The following KLHL2 variants were observed in gnomAD, a reference collection of about 807,000 sequenced individuals.
KLHL2 encodes kelch like family member 2, also known as kelch-like protein 2.
KLHL2 carries 15 observed loss-of-function variants against 75.8 expected under a neutral mutation model. That is an observed-to-expected ratio of 0.20 (90% CI 0.13 to 0.30). KLHL2 has a LOEUF of 0.30. Among genes scored for constraint, KLHL2 ranks in the 10% least tolerant of loss-of-function variants. The pLI is 1.00. For synonymous variants in KLHL2, 214 were observed against 251.9 expected, an observed-to-expected ratio of 0.85 and a Z score of 1.42; for missense variants, 381 against 741.0, an observed-to-expected ratio of 0.51 and a Z score of 5.64.
At chr4:165,306,610 A>G (rs1340498854) in intron 9 of KLHL2, among the ~76,000 whole-genome samples, 1 of 152,224 alleles carries the variant, frequency 6.6e-6, no homozygotes, top group East Asian at 1.9e-4. Flanking sequence ...TCCTGACAGT[A>G]CTTTGTAATT....
At chr4:165,312,190 C>T (rs561029988) in intron 11 of KLHL2, among the ~76,000 whole-genome samples, 21 of 152,222 alleles carry the variant, frequency 1.4e-4, no homozygotes, top group South Asian at 8.3e-4. Flanking sequence ...TTGTGCAGCC[C>T]GGTTCCTAAC....
intron 11 of KLHL2, among the ~76,000 whole-genome samples, chr4:165,312,840 A>G (rs1198004954): frequency 6.6e-6 from 1 of 152,206 alleles, no homozygotes. Flanking sequence ...AATGCCAAGT[A>G]ATATTGCATT....
At chr4:165,315,667 C>G (rs1746540962) in intron 13 of KLHL2, among the ~76,000 whole-genome samples, 1 of 152,028 alleles carries the variant, frequency 6.6e-6, no homozygotes, top group Non-Finnish European at 1.5e-5. Flanking sequence ...ACCCTCATTC[C>G]ATATTCCTGA....
chr4:165,311,781 C>T (rs1356782445), intron 11 of KLHL2, among the ~76,000 whole-genome samples: 1 of 151,512 alleles, frequency 6.6e-6, no homozygotes, highest in Non-Finnish European at 1.5e-5. Flanking sequence ...CTCTCTATCC[C>T]CCTCCCTTTA....
chr4:165,301,920 G>A (rs544465630), intron 8 of KLHL2, among the ~76,000 whole-genome samples: 3 of 152,118 alleles, frequency 2.0e-5, no homozygotes, highest in African/African-American at 4.8e-5. Flanking sequence ...GAAACCTAGA[G>A]TTCTCGGTAA....
At chr4:165,276,798 A>G (rs1305378289) in intron 5 of KLHL2, among the ~76,000 whole-genome samples, 1 of 152,144 alleles carries the variant, frequency 6.6e-6, no homozygotes, top group Non-Finnish European at 1.5e-5. Context: ...TTTTCTACTT[A>G]GGTATTTAAC....
chr4:165,211,765 G>C (rs1414269734), intron 1 of KLHL2, among the ~76,000 whole-genome samples: 1 of 152,194 alleles, frequency 6.6e-6, no homozygotes, highest in African/African-American at 2.4e-5. Context: ...TTGGGAACTT[G>C]AGAAGTGAAT....
chr4:165,278,578 A>G, intron 5 of KLHL2: 6 of 1,605,990 alleles, frequency 3.7e-6, no homozygotes, highest in Non-Finnish European at 5.1e-6. Flanking sequence ...AGTAGCAGCC[A>G]TAAGAAGTAC....
chr4:165,317,748 C>A, intron 13 of KLHL2, 78 bp from the exon 14 acceptor site: 2 of 1,052,064 alleles, frequency 1.9e-6, no homozygotes, highest in South Asian at 1.5e-5. Context: ...TCTGGATTAC[C>A]TCACTAAACA....
Position 165,228,932 on chromosome 4 carries a change from A to T in KLHL2, c.259+19A>T, listed in dbSNP as rs1363542422. 10 of 1,502,136 alleles carry T rather than the reference A, an allele frequency of 6.7e-6. No homozygotes were observed. In the South Asian group the frequency reaches 9.4e-5, roughly 14 times the overall value. The allele number at this position is 1,502,136 out of a possible 1,614,324, so 93.1% of individuals were successfully genotyped here. A position where few individuals can be genotyped will look rare whatever the true frequency, so the allele number is the denominator to read the frequency against. ...TTTACAGGTATGAAATATTTTAGTT[A>T]TAGGCATTTTAAAAAATGTATTCAG... On this transcript the variant is annotated intron_variant, in intron 3 of 14. Transcript: ENST00000226725.
At position 165,297,557 on chromosome 4, in the gene KLHL2, C is replaced by T; in HGVS notation, c.655-52C>T. On this transcript the variant is annotated intron_variant, in intron 6 of 14. Coordinates refer to ENST00000226725, the MANE Select transcript of KLHL2 (RefSeq NM_007246.4). ...TGTAGTCTCATATTTTATCCAGATG[C>T]CTTGATACACAACTCATTTCTTATT... The T allele has an allele frequency of 4.9e-6, 5 of 1,029,788 alleles. No homozygotes were observed. The South Asian group carries it at 6.3e-5, about 13-fold the overall frequency. 63.8% of individuals were successfully genotyped at this position (1,029,788 alleles called of 1,614,324 possible).
At chr4:165,212,152 A>G (rs1358516400) in intron 1 of KLHL2, among the ~76,000 whole-genome samples, 2 of 152,008 alleles carry the variant, frequency 1.3e-5, no homozygotes. Flanking sequence ...AGTGCCTACT[A>G]TGGCCAGATT....
At chr4:165,286,927 GTTTTTA>G (rs1228598410) in intron 5 of KLHL2, among the ~76,000 whole-genome samples, 4 of 152,060 alleles carry the variant, frequency 2.6e-5, no homozygotes, top group African/African-American at 4.8e-5. Context: ...TGCTTGCTTT[GTTTTTA>G]TTTTTGTTTT....
chr4:165,244,269 A>G (rs1740051772), intron 4 of KLHL2, among the ~76,000 whole-genome samples: 1 of 152,220 alleles, frequency 6.6e-6, no homozygotes, highest in Admixed American at 6.5e-5. Context: ...CATTGAATTC[A>G]TTTACTTAAA....
chr4:165,259,619 T>C (rs1313122282), intron 4 of KLHL2, among the ~76,000 whole-genome samples: 3 of 152,234 alleles, frequency 2.0e-5, no homozygotes, highest in Non-Finnish European at 4.4e-5. Flanking sequence ...GGCAAGTGCT[T>C]AGCACAGTGC....
intron 14 of KLHL2, chr4:165,321,431 C>A: frequency 2.5e-6 from 1 of 393,128 alleles, no homozygotes. Flanking sequence ...TTTTCTGTAG[C>A]TTACTTTAAG....
At chr4:165,297,817 T>C (rs1560817050) in intron 7 of KLHL2, 92 bp downstream of exon 7, 1 of 832,606 alleles carries the variant, frequency 1.2e-6, no homozygotes, top group Non-Finnish European at 2.1e-6. Flanking sequence ...ATAAGAGCTG[T>C]AGAATGCAGA....
intron 8 of KLHL2, among the ~76,000 whole-genome samples, chr4:165,302,840 T>G (rs11729242): frequency 0.063 from 9,562 of 152,252 alleles, 582 homozygotes; most frequent in African/African-American, 0.16. Flanking sequence ...TTCAGGATGA[T>G]TAGTGAATTT....
At chr4:165,293,631 G>A (rs1489472947) in intron 5 of KLHL2, among the ~76,000 whole-genome samples, 1 of 150,354 alleles carries the variant, frequency 6.7e-6, no homozygotes, top group Non-Finnish European at 1.5e-5. Context: ...AGCCTCCTGA[G>A]TAACTGGGAC....
Sources: gnomAD v4.1 joint callset for allele counts (sites outside exome capture counted in the v4.1 genomes callset) on GRCh38, gnomAD v4.1.1 for gene constraint, MANE v1.5 for transcripts, NCBI Gene and HGNC (gene_info 2026-07-23, HGNC 2026-07-21) for gene names.